The following TRIM69 variants were observed in gnomAD, a reference collection of about 807,000 sequenced individuals.
TRIM69 encodes the protein E3 ubiquitin-protein ligase TRIM69.
Under a neutral mutation model 37.7 loss-of-function variants are expected in TRIM69, and 29 were observed. The ratio of observed to expected loss-of-function variants is 0.77; its 90% CI spans 0.57 to 1.05. The LOEUF (loss-of-function observed/expected upper bound fraction) is 1.05, where lower values mean the gene tolerates loss of function less well. Ranked by LOEUF, TRIM69 falls within the 50% of genes least tolerant of loss-of-function variation. The probability of loss-of-function intolerance (pLI) is 0.00; values close to 1 mark genes in which losing one functional copy is unlikely to be tolerated. For synonymous variants in TRIM69, 209 were observed against 212.4 expected (o/e 0.98, Z 0.14); for missense variants, 596 against 579.9 (o/e 1.03, Z -0.28).
intron 1 of TRIM69, among the ~76,000 whole-genome samples, chr15:44,745,171 G>C (rs938668622): frequency 1.3e-5 from 2 of 152,024 alleles, no homozygotes; most frequent in Non-Finnish European, 2.9e-5. Flanking sequence ...GTTGTAAACT[G>C]TGTGTTGAAG....
At position 44,758,608 on chromosome 15, in the gene TRIM69, T is replaced by C. The variant is rs775651735; in HGVS notation, c.580-13T>C. The C allele has an allele frequency of 1.2e-6, 2 of 1,613,790 alleles. No individual in the cohort carries two copies. The highest frequency in any genetic ancestry group is 2.2e-5 in the South Asian group (2 of 91,074). On this transcript the variant is annotated splice_polypyrimidine_tract_variant and intron_variant, in intron 3 of 6. Transcript: ENST00000329464. Reference sequence around the variant, plus strand: ...TCTGCAATAACCATGGTGATAATCATGGAGGTTTCCAGGAAAACAAGCTAC... The same window carrying C: ...TCTGCAATAACCATGGTGATAATCACGGAGGTTTCCAGGAAAACAAGCTAC...
chr15:44,756,214 C>A (rs1344688606), intron 2 of TRIM69, among the ~76,000 whole-genome samples, 154 bp from the exon 3 acceptor site: 2 of 152,018 alleles, frequency 1.3e-5, no homozygotes, highest in East Asian at 3.9e-4. Context: ...TTTCACAATT[C>A]TTGAACGAGA....
At chr15:44,752,814 ATAAT>A (rs2087563509) in intron 1 of TRIM69, 1 of 152,060 alleles carries the variant, frequency 6.6e-6, no homozygotes, top group East Asian at 1.9e-4. Flanking sequence ...CCAGGGGGTT[ATAAT>A]TAGTCAACTT....
intron 1 of TRIM69, among the ~76,000 whole-genome samples, chr15:44,742,321 A>G (rs1397526935): frequency 3.4e-5 from 1 of 29,134 alleles, no homozygotes. Context: ...TGTATCTCAA[A>G]ATAATAAGAG....
rs201133089 is a variant in TRIM69 at position 44,759,855 on chromosome 15, A to G, written c.944A>G (p.Gln315Arg). 44 of 1,613,352 alleles carry G rather than the reference A, an allele frequency of 2.7e-5. No individual in the cohort carries two copies. In the African/African-American group the frequency reaches 4.8e-4, roughly 18 times the overall value. The change falls in exon 6 of 7, where the codon CAG becomes CGG. Residue 315 changes from glutamine (Q) to arginine (R), a missense_variant. By Grantham distance (43) the Gln-to-Arg change is conservative (BLOSUM62 1). Transcript: ENST00000329464. ...CAGTACATGGTATGGAGGGAAATGCAGGACACTCTCTGCCCAGGTATCAGT... is the reference window on the plus strand; with the variant it reads ...CAGTACATGGTATGGAGGGAAATGCGGGACACTCTCTGCCCAGGTATCAGT... The part of the protein sequence containing the change: ...PIQYMVWREM[Q>R]DTLCPGLSPL...
At chr15:44,737,729 C>T (rs2087191322) in intron 1 of TRIM69, among the ~76,000 whole-genome samples, 1 of 152,092 alleles carries the variant, frequency 6.6e-6, no homozygotes, top group Non-Finnish European at 1.5e-5. Flanking sequence ...TAGGTTTAAG[C>T]TGGCTGTGCT....
At chr15:44,762,231 A>G (rs563597329) in intron 6 of TRIM69, among the ~76,000 whole-genome samples, 37 of 152,040 alleles carry the variant, frequency 2.4e-4, no homozygotes, top group East Asian at 7.8e-4. Context: ...CTCCCAAAGT[A>G]CTGGGATTAC....
chr15:44,745,636 A>G (rs569568876), intron 1 of TRIM69, among the ~76,000 whole-genome samples: 6 of 152,310 alleles, frequency 3.9e-5, no homozygotes, highest in African/African-American at 1.4e-4. Context: ...GCTAAAGGAA[A>G]CAATTTGCAA....
chr15:44,759,380 A>G (rs1423265530), intron 4 of TRIM69, among the ~76,000 whole-genome samples: 1 of 152,240 alleles, frequency 6.6e-6, no homozygotes, highest in African/African-American at 2.4e-5. Context: ...GTATAGGTAA[A>G]GATAGCTTAA....
At chr15:44,751,432 A>G (rs979497305) in intron 1 of TRIM69, among the ~76,000 whole-genome samples, 1 of 151,806 alleles carries the variant, frequency 6.6e-6, no homozygotes, top group African/African-American at 2.4e-5. Context: ...AAAAATTATT[A>G]TTTATAATTT....
chr15:44,756,260 G>T, intron 2 of TRIM69, 108 bp from the exon 3 acceptor site: 9 of 653,462 alleles, frequency 1.4e-5, no homozygotes, highest in Admixed American at 2.7e-5. Context: ...GAAGATTTTT[G>T]CAGCAAGAGC....
chr15:44,755,047 C>G lies in TRIM69; in HGVS notation c.154C>G (p.Leu52Val). The G allele has an allele frequency of 6.2e-7, 1 of 1,614,226 alleles. No homozygotes were observed. The highest frequency in any genetic ancestry group is 8.5e-7 in the Non-Finnish European group (1 of 1,180,040). Residue 52 changes from leucine (L) to valine (V), a missense_variant, in exon 2 of 7, where the codon CTG becomes GTG. Transcript: ENST00000329464. ...GTGCAATGATTGGTTCCGAGACCCA[C>G]TGATGCTAAGCTGTGGCCACAACTT... Reference protein sequence around the residue: ...PLCNDWFRDPLMLSCGHNFCE... With the variant: ...PLCNDWFRDPVMLSCGHNFCE...
chr15:44,746,746 ACGTG>A (rs1403046280), intron 1 of TRIM69, among the ~76,000 whole-genome samples: 2 of 47,658 alleles, frequency 4.2e-5, no homozygotes, highest in Non-Finnish European at 1.1e-4. Flanking sequence ...CAGCACGTGC[ACGTG>A]CACACACACA....
Position 44,756,388 on chromosome 15 carries a change from G to C in TRIM69, c.504G>C (p.Gln168His). The C allele has an allele frequency of 6.4e-7, 1 of 1,550,622 alleles. No homozygotes were observed. Among genetic ancestry groups the C allele is most frequent in the Non-Finnish European group, 8.7e-7 (1 of 1,146,590 alleles). ...HFFTEELAIQ[Q>H]GQLETTLKEL... ...CCCAGGAGGAGCTTGCCATCCAACA[G>C]GGTCAACTGGAGACAACTCTGAAGG... Residue 168 changes from glutamine to histidine, a missense_variant, in exon 3 of 7, where the codon CAG becomes CAC. Transcript: ENST00000329464.
At chr15:44,749,042 AGTTTTTGTTTTT>A (rs1421832195) in intron 1 of TRIM69, among the ~76,000 whole-genome samples, 1 of 151,392 alleles carries the variant, frequency 6.6e-6, no homozygotes, top group Non-Finnish European at 1.5e-5. Flanking sequence ...CACCACACCC[AGTTTTTGTTTTT>A]GTTTTTGTTT....
chr15:44,738,133 A>G (rs989896359), intron 1 of TRIM69, among the ~76,000 whole-genome samples: 1 of 146,302 alleles, frequency 6.8e-6, no homozygotes, highest in Non-Finnish European at 1.5e-5. Flanking sequence ...ATCTCAGCTC[A>G]CTGCAACCTC....
At chr15:44,756,014 AAG>A (rs1275875339) in intron 2 of TRIM69, among the ~76,000 whole-genome samples, 2 of 152,202 alleles carry the variant, frequency 1.3e-5, no homozygotes, top group East Asian at 3.8e-4. Context: ...GCTAGCTACT[AAG>A]AGAGAAAAAC....
At chr15:44,759,524 T>C (rs890535705) in intron 4 of TRIM69, 116 bp from the exon 5 acceptor site, 8 of 954,188 alleles carry the variant, frequency 8.4e-6, no homozygotes, top group Non-Finnish European at 1.6e-6. Flanking sequence ...TGAAAGAAGT[T>C]GGTAGAGATG....
At chr15:44,767,138 G>A (rs1354960705) in intron 6 of TRIM69, 93 bp from the exon 7 acceptor site, 1 of 866,318 alleles carries the variant, frequency 1.2e-6, no homozygotes, top group Non-Finnish European at 1.7e-6. Flanking sequence ...GGGAGATAAA[G>A]TACTATTGAA....
Sources: allele counts gnomAD v4.1 joint callset (sites outside exome capture counted in the v4.1 genomes callset), GRCh38; gene constraint gnomAD v4.1.1; transcripts MANE v1.5; gene names NCBI Gene and HGNC (gene_info 2026-07-23, HGNC 2026-07-21).